Variants in NME9 observed in about 807,000 individuals in gnomAD.
NME9 encodes the protein thioredoxin domain-containing protein 6.
NME9 carries 48 observed loss-of-function variants against 44.4 expected under a neutral mutation model. That is an observed-to-expected ratio of 1.08 (90% CI 0.86 to 1.37). The LOEUF is 1.37. NME9 is among the 40% of genes most tolerant of loss of function. The probability of loss-of-function intolerance (pLI) is 0.00; values close to 1 mark genes in which losing one functional copy is unlikely to be tolerated. For missense variants in NME9, 325 were observed against 405.2 expected (o/e 0.80, Z 1.70); for synonymous variants, 139 against 147.1 (o/e 0.94, Z 0.40).
At chr3:138,278,238 T>A (rs1373219817) in intron 8 of NME9, among the ~76,000 whole-genome samples, 2 of 152,142 alleles carry the variant, frequency 1.3e-5, no homozygotes, top group Non-Finnish European at 2.9e-5. Context: ...CCAGGCACGG[T>A]GGCTCACACC....
At chr3:138,293,779 T>C (rs572206823) in intron 8 of NME9, among the ~76,000 whole-genome samples, 2 of 152,150 alleles carry the variant, frequency 1.3e-5, no homozygotes, top group Non-Finnish European at 2.9e-5. Context: ...TATTCAGAAG[T>C]AAAAACAAAT....
At chr3:138,274,567 GGAATATTTTCT>G in intron 8 of NME9, 1 of 1,556,288 alleles carries the variant, frequency 6.4e-7, no homozygotes, top group Non-Finnish European at 8.8e-7. Flanking sequence ...TTTCTCTTGG[GGAATATTTTCT>G]GAATGTGAGC....
chr3:138,319,467 G>A lies in NME9; in HGVS notation c.195+11C>T, dbSNP rs762257648. On this transcript the variant is annotated intron_variant, in intron 3 of 10. Transcript: ENST00000333911. The stretch of plus-strand genomic sequence containing the variant: ...AATGTTGTATGACTGTTGGCTGAGA[G>A]AGAATCTTACTAATGCAAAGTGCAG... 19 of 1,460,420 alleles carry A rather than the reference G, an allele frequency of 1.3e-5. No homozygotes were observed. In the East Asian group the frequency reaches 4.3e-4, roughly 33 times the overall value. 90.5% of individuals were successfully genotyped at this position (1,460,420 alleles called of 1,614,324 possible). A position where few individuals can be genotyped will look rare whatever the true frequency, so the allele number is the denominator to read the frequency against.
At chr3:138,328,258 G>C (rs1470688479) in intron 1 of NME9, among the ~76,000 whole-genome samples, 1 of 152,178 alleles carries the variant, frequency 6.6e-6, no homozygotes, top group Non-Finnish European at 1.5e-5. Flanking sequence ...GTTATGTGAT[G>C]TAGTCAAAGA....
downstream of NME9, chr3:138,297,291 C>T (rs921211849): frequency 2.0e-5 from 3 of 152,234 alleles, no homozygotes; most frequent in Non-Finnish European, 4.4e-5. Context: ...AGCTTGGCCC[C>T]TGCTCCAACT....
At position 138,262,710 on chromosome 3, in the gene NME9, C is replaced by T. The variant is rs1430202698; in HGVS notation, c.746-124G>A. 6.0e-6 allele frequency: 6 copies of T among 1,000,302 alleles called. No individual in the cohort carries two copies. In the Admixed American group the frequency reaches 9.8e-5, roughly 16 times the overall value. The allele number at this position is 1,000,302 out of a possible 1,614,324, so 62.0% of individuals were successfully genotyped here. A position where few individuals can be genotyped will look rare whatever the true frequency, so the allele number is the denominator to read the frequency against. On this transcript the variant is annotated intron_variant, in intron 8 of 8. Coordinates refer to the NME9 transcript ENST00000317876. ...AAAAAAAAAATCTCCCCAGGTAATTCTTCTGCAAGGACAACCAAGGTTAAG... is the reference window on the plus strand; with the variant it reads ...AAAAAAAAAATCTCCCCAGGTAATTTTTCTGCAAGGACAACCAAGGTTAAG...
intron 8 of NME9, chr3:138,295,801 G>GT (rs2051435912): frequency 2.5e-6 from 4 of 1,590,230 alleles, no homozygotes; most frequent in Non-Finnish European, 3.4e-6. Context: ...GAACCATAGG[G>GT]TTTTTTACCC....
At chr3:138,289,015 T>C in intron 8 of NME9, 1 of 1,569,480 alleles carries the variant, frequency 6.4e-7, no homozygotes, top group Non-Finnish European at 8.7e-7. Context: ...ATTACCACCA[T>C]TTTGATTTTT....
chr3:138,320,303 G>C (rs1276681575), intron 2 of NME9, among the ~76,000 whole-genome samples: 2 of 152,100 alleles, frequency 1.3e-5, no homozygotes, highest in Admixed American at 1.3e-4. Context: ...CGACCATGAA[G>C]CAGCAGCAAG....
intron 4 of NME9, 87 bp from the exon 5 acceptor site, chr3:138,315,730 A>C (rs954971597): frequency 1.9e-6 from 2 of 1,060,536 alleles, no homozygotes; most frequent in Non-Finnish European, 2.8e-6. Flanking sequence ...GAGTGTCCCC[A>C]AGTTCAAGGT....
intron 8 of NME9, among the ~76,000 whole-genome samples, chr3:138,272,139 C>T (rs1324300272): frequency 2.6e-5 from 4 of 152,202 alleles, no homozygotes; most frequent in Non-Finnish European, 4.4e-5. Flanking sequence ...AGCTCAGACA[C>T]ACCTCCTACC....
chr3:138,291,795 G>A (rs2050979086), intron 8 of NME9, among the ~76,000 whole-genome samples: 1 of 152,144 alleles, frequency 6.6e-6, no homozygotes, highest in Non-Finnish European at 1.5e-5. Context: ...GGGTTCAAAG[G>A]CCCTGAAGCA....
intron 8 of NME9, among the ~76,000 whole-genome samples, chr3:138,292,887 G>A (rs775523085): frequency 6.6e-6 from 1 of 152,198 alleles, no homozygotes; most frequent in Non-Finnish European, 1.5e-5. Flanking sequence ...GGAGCAGAAG[G>A]AACAGCTAGT....
intron 8 of NME9, chr3:138,267,083 A>G: frequency 1.3e-6 from 1 of 790,474 alleles, no homozygotes; most frequent in Admixed American, 3.2e-5. Context: ...TTTTATTTAT[A>G]TTTTATATCT....
At chr3:138,285,437 G>T (rs916033957) in intron 8 of NME9, among the ~76,000 whole-genome samples, 2 of 152,056 alleles carry the variant, frequency 1.3e-5, no homozygotes, top group Admixed American at 6.6e-5. Context: ...CTCTTCCTTT[G>T]TTCACTACAC....
At chr3:138,329,247 C>T in intron 1 of NME9, 56 bp downstream of exon 1, 2 of 1,440,690 alleles carry the variant, frequency 1.4e-6, no homozygotes, top group South Asian at 2.4e-5. Flanking sequence ...CTCTAATCAC[C>T]CTCCTCTTCC....
chr3:138,307,848 A>T (rs2108437171), intron 6 of NME9, among the ~76,000 whole-genome samples: 1 of 152,348 alleles, frequency 6.6e-6, no homozygotes, highest in East Asian at 1.9e-4. Context: ...GAAGGAAGAC[A>T]TTGTGAACAT....
At chr3:138,275,981 A>G (rs2049253816) in intron 8 of NME9, among the ~76,000 whole-genome samples, 1 of 152,212 alleles carries the variant, frequency 6.6e-6, no homozygotes, top group Admixed American at 6.5e-5. Context: ...AAAATAAACC[A>G]TTGTACTTTG....
At chr3:138,317,704 C>T (rs556133254) in intron 4 of NME9, among the ~76,000 whole-genome samples, 21 of 152,330 alleles carry the variant, frequency 1.4e-4, no homozygotes, top group Middle Eastern at 3.4e-3. Flanking sequence ...TTCCCCTTTA[C>T]GGAGCAAAGG....
Sources: gnomAD v4.1 joint callset for allele counts (sites outside exome capture counted in the v4.1 genomes callset) on GRCh38, gnomAD v4.1.1 for gene constraint, MANE v1.5 for transcripts, NCBI Gene and HGNC (gene_info 2026-07-23, HGNC 2026-07-21) for gene names.